Variants in LRRC7 observed in about 807,000 individuals in gnomAD.
LRRC7 encodes leucine-rich repeat-containing protein 7.
Under a neutral mutation model 175.7 loss-of-function variants are expected in LRRC7, and 23 were observed. The observed-to-expected ratio is 0.13, with a 90% CI of 0.09 to 0.19. The LOEUF (loss-of-function observed/expected upper bound fraction) is 0.19. Ranked by LOEUF, LRRC7 falls within the 10% of genes least tolerant of loss-of-function variation. LRRC7 has a pLI of 1.00. For missense variants in LRRC7, 1,354 were observed against 1,904.7 expected (o/e 0.71, Z 5.38); for synonymous variants, 685 against 680.9 (o/e 1.01, Z -0.09).
In LRRC7 at chr1:69,578,955, AAAAT is replaced by A. The variant is rs1201737652; in HGVS notation, c.2+10318_2+10321del. Among the ~76,000 whole-genome samples the A allele has an allele frequency of 5.3e-5, 8 of 152,062 alleles. No homozygotes were observed. The East Asian group carries it at 1.5e-3, about 29-fold the overall frequency. ...AAGTATAATAATAATAAAATAAAAT[AAAAT>A]AAAAAGAAATGCATGGAAAAAAAAG... On this transcript the variant is annotated intron_variant, in intron 1 of 26. Coordinates refer to ENST00000651989, the MANE Select transcript of LRRC7 (RefSeq NM_001370785.2).
intron 3 of LRRC7, among the ~76,000 whole-genome samples, chr1:69,769,908 C>A (rs916588712): frequency 6.6e-6 from 1 of 151,922 alleles, no homozygotes; most frequent in African/African-American, 2.4e-5. Flanking sequence ...CCAGAAAAAC[C>A]AACTGGCCAT....
chr1:69,838,893 G>C (rs114264237), intron 7 of LRRC7, among the ~76,000 whole-genome samples: 1 of 151,810 alleles, frequency 6.6e-6, no homozygotes, highest in Admixed American at 6.6e-5. Flanking sequence ...GTTTCACCCA[G>C]CTTTGCCTTA....
rs1204650835 is a variant in LRRC7 at position 70,136,721 on chromosome 1, C to CTTT, written c.*14856_*14858dup. 9.6e-3 allele frequency among the ~76,000 whole-genome samples: 947 copies of CTTT among 98,350 alleles called. 52 individuals are homozygous for CTTT. Among genetic ancestry groups the CTTT allele is most frequent in the African/African-American group, 0.029 (678 of 23,392 alleles). The allele number at this position is 98,350 out of a possible 152,430, so 64.5% of individuals were successfully genotyped here. Reference sequence around the variant, plus strand: ...TTCTGCTTTATTGCTTTTTTAATGCCTTTTTTTTTTTTTTTTTTTTTTTTC... The same window carrying CTTT: ...TTCTGCTTTATTGCTTTTTTAATGCCTTTTTTTTTTTTTTTTTTTTTTTTTTTC... On this transcript the variant is annotated 3_prime_UTR_variant, in exon 27 of 27. Transcript: ENST00000651989.
chr1:69,749,985 C>T (rs1252257916), intron 2 of LRRC7, among the ~76,000 whole-genome samples: 3 of 151,804 alleles, frequency 2.0e-5, no homozygotes, highest in Non-Finnish European at 4.4e-5. Flanking sequence ...CGCTTGAACC[C>T]GGGAGGTGGA....
intron 2 of LRRC7, among the ~76,000 whole-genome samples, chr1:69,738,381 A>G (rs1354947686): frequency 6.6e-6 from 1 of 151,976 alleles, no homozygotes; most frequent in African/African-American, 2.4e-5. Context: ...CTGATCTACA[A>G]CTAAGTATTT....
chr1:69,925,058 CAT>C (rs1474792754), intron 7 of LRRC7, among the ~76,000 whole-genome samples: 4 of 152,122 alleles, frequency 2.6e-5, no homozygotes, highest in Admixed American at 6.5e-5. Flanking sequence ...TTGAGATAAT[CAT>C]GTGGTTTTTG....
intron 1 of LRRC7, among the ~76,000 whole-genome samples, chr1:69,631,829 TC>T (rs1652555006): frequency 6.6e-6 from 1 of 152,122 alleles, no homozygotes. Flanking sequence ...CTCATAATCA[TC>T]CTGCTCAGTG....
rs12087181 is a variant in LRRC7, at chr1:69,717,880, G to A, written c.100+39402G>A. ...AAAGAAAGAAAGAAAGAAAGAAAGA[G>A]AGAAAAAGAGGAGGGAGGGAAGGAG... On this transcript the variant is annotated intron_variant, in intron 2 of 26. Coordinates refer to ENST00000651989, the MANE Select transcript of LRRC7 (RefSeq NM_001370785.2). 1.8e-3 allele frequency among the ~76,000 whole-genome samples: 158 copies of A among 87,868 alleles called. 37 individuals are homozygous for A. Among genetic ancestry groups the A allele is most frequent in the African/African-American group, 8.1e-3 (148 of 18,242 alleles). The allele number at this position is 87,868 out of a possible 152,430, so 57.6% of individuals were successfully genotyped here.
chr1:69,907,974 C>T (rs1646379866), intron 7 of LRRC7, among the ~76,000 whole-genome samples: 1 of 152,154 alleles, frequency 6.6e-6, no homozygotes, highest in African/African-American at 2.4e-5. Flanking sequence ...TCAACTTCTT[C>T]CTGGTTTAGT....
chr1:69,588,988 T>TGG (rs1553121567), intron 1 of LRRC7, among the ~76,000 whole-genome samples: 1 of 148,012 alleles, frequency 6.8e-6, no homozygotes, highest in Non-Finnish European at 1.5e-5. Context: ...CTGGGGTCTG[T>TGG]GTGTGTGTGT....
At chr1:69,927,655 C>A (rs4478773) in intron 7 of LRRC7, among the ~76,000 whole-genome samples, 2 of 152,170 alleles carry the variant, frequency 1.3e-5, no homozygotes, top group Non-Finnish European at 2.9e-5. Flanking sequence ...GCTTTCAGCT[C>A]CATCAGCTCC....
chr1:69,620,884 A>G (rs1650459328), intron 1 of LRRC7, among the ~76,000 whole-genome samples: 1 of 152,158 alleles, frequency 6.6e-6, no homozygotes, highest in Non-Finnish European at 1.5e-5. Flanking sequence ...ACTCACAAAT[A>G]TCTTATGAGG....
chr1:70,115,875 A>G (rs562025101), intron 26 of LRRC7, among the ~76,000 whole-genome samples: 4 of 152,242 alleles, frequency 2.6e-5, no homozygotes, highest in Non-Finnish European at 5.9e-5. Flanking sequence ...CCTGTCATTT[A>G]AGAGCAAGCT....
chr1:70,020,925 C>T, intron 15 of LRRC7, 80 bp from the exon 16 acceptor site: 2 of 1,177,970 alleles, frequency 1.7e-6, no homozygotes, highest in South Asian at 4.3e-5. Flanking sequence ...GTATCTATCA[C>T]CATTTTTGCA....
intron 7 of LRRC7, among the ~76,000 whole-genome samples, chr1:69,907,532 T>A (rs1320673014): frequency 6.6e-6 from 1 of 152,200 alleles, no homozygotes; most frequent in Non-Finnish European, 1.5e-5. Context: ...GTGGTTTTTG[T>A]CTTTGGTTCT....
At chr1:69,749,439 T>C (rs1418450434) in intron 2 of LRRC7, among the ~76,000 whole-genome samples, 2 of 152,126 alleles carry the variant, frequency 1.3e-5, no homozygotes, top group Admixed American at 6.6e-5. Context: ...AAATTTAAGC[T>C]TCAATAAGTG....
At chr1:69,626,650 G>A (rs945973599) in intron 1 of LRRC7, among the ~76,000 whole-genome samples, 2 of 151,550 alleles carry the variant, frequency 1.3e-5, no homozygotes, top group African/African-American at 4.9e-5. Context: ...TTGCCATGCT[G>A]GTGTGCTGCA....
chr1:69,611,927 A>G (rs1236792589), intron 1 of LRRC7, among the ~76,000 whole-genome samples: 1 of 152,096 alleles, frequency 6.6e-6, no homozygotes, highest in Admixed American at 6.6e-5. Context: ...CTGCATGCAC[A>G]TGTCCACAAA....
intron 10 of LRRC7, among the ~76,000 whole-genome samples, chr1:69,986,950 G>T (rs1653986475): frequency 6.6e-6 from 1 of 152,036 alleles, no homozygotes; most frequent in Admixed American, 6.6e-5. Context: ...TTTGTTTAAG[G>T]ATGTTTACAT....
Sources: allele counts gnomAD v4.1 joint callset (sites outside exome capture counted in the v4.1 genomes callset), GRCh38; gene constraint gnomAD v4.1.1; transcripts MANE v1.5; gene names NCBI Gene and HGNC (gene_info 2026-07-23, HGNC 2026-07-21).